ZNF423: variants seen among roughly 807,000 people sequenced by gnomAD.
ZNF423 encodes the protein zinc finger protein 423.
In ZNF423, 12 loss-of-function variants were observed where a neutral mutation model predicts 95.8. The ratio of observed to expected loss-of-function variants is 0.13; its 90% CI spans 0.08 to 0.20. The LOEUF is 0.20. ZNF423 is among the 10% of genes least tolerant of loss of function. The probability of loss-of-function intolerance (pLI) is 1.00; values close to 1 mark genes in which losing one functional copy is unlikely to be tolerated. For synonymous variants in ZNF423, 749 were observed against 711.9 expected (o/e 1.05, Z -0.83); for missense variants, 1,316 against 1,737.1 (o/e 0.76, Z 4.31).
chr16:49,740,237 G>A (rs919393872), intron 2 of ZNF423, among the ~76,000 whole-genome samples: 61 of 152,038 alleles, frequency 4.0e-4, no homozygotes, highest in Non-Finnish European at 7.9e-4. Flanking sequence ...ACATGTTCCC[G>A]AGGGCAAGAT....
chr16:49,779,540 G>C (rs2034174591), intron 2 of ZNF423, among the ~76,000 whole-genome samples: 1 of 152,048 alleles, frequency 6.6e-6, no homozygotes, highest in African/African-American at 2.4e-5. Context: ...AGGAGCACTG[G>C]TGCAAACCAC....
At chr16:49,749,470 G>A (rs1179438858) in intron 2 of ZNF423, among the ~76,000 whole-genome samples, 1 of 152,224 alleles carries the variant, frequency 6.6e-6, no homozygotes, top group Non-Finnish European at 1.5e-5. Context: ...AAAGATACAA[G>A]CCATACAGAA....
At chr16:49,852,264 T>G (rs1367011001) in intron 1 of ZNF423, among the ~76,000 whole-genome samples, 1 of 152,154 alleles carries the variant, frequency 6.6e-6, no homozygotes, top group Non-Finnish European at 1.5e-5. Context: ...TGTATGGACA[T>G]AGCCTGAGCG....
At chr16:49,681,588 C>A (rs372282030) in intron 3 of ZNF423, among the ~76,000 whole-genome samples, 2 of 152,178 alleles carry the variant, frequency 1.3e-5, no homozygotes, top group African/African-American at 4.8e-5. Flanking sequence ...CAGGCCGGAT[C>A]GTTTCACCAC....
chr16:49,611,679 T>C (rs2151844824), intron 5 of ZNF423, among the ~76,000 whole-genome samples: 1 of 151,820 alleles, frequency 6.6e-6, no homozygotes, highest in South Asian at 2.1e-4. Flanking sequence ...TAAAACAAAA[T>C]TGAAAATCAA....
At chr16:49,564,492 G>A (rs1970123822) in intron 5 of ZNF423, among the ~76,000 whole-genome samples, 1 of 152,170 alleles carries the variant, frequency 6.6e-6, no homozygotes, top group Admixed American at 6.5e-5. Context: ...CTCAACACAA[G>A]AGAAGACATC....
intron 3 of ZNF423, among the ~76,000 whole-genome samples, chr16:49,692,640 G>C (rs1313479611): frequency 6.6e-6 from 1 of 152,232 alleles, no homozygotes; most frequent in Admixed American, 6.5e-5. Flanking sequence ...GGAAAGCTTG[G>C]AGAAAGGATG....
At chr16:49,628,242 C>T (rs928031288) in intron 4 of ZNF423, among the ~76,000 whole-genome samples, 2 of 151,416 alleles carry the variant, frequency 1.3e-5, no homozygotes, top group African/African-American at 4.9e-5. Context: ...CACACCCATC[C>T]ACCCATACTC....
chr16:49,604,644 C>T (rs145241300), intron 5 of ZNF423, among the ~76,000 whole-genome samples: 6 of 152,304 alleles, frequency 3.9e-5, no homozygotes, highest in East Asian at 1.9e-4. Flanking sequence ...TGCACAATCA[C>T]GGTCAGTGCA....
In ZNF423 at chr16:49,725,593, C is replaced by T. The variant is rs1282376562; in HGVS notation, c.301+5178G>A. Reference sequence around the variant, plus strand: ...TAGGGAGAGAGATGGGTGAGAAACACGTGAAAGACAATTACAGAAAGGGAT... The same window carrying T: ...TAGGGAGAGAGATGGGTGAGAAACATGTGAAAGACAATTACAGAAAGGGAT... On this transcript the variant is annotated intron_variant, in intron 3 of 7. Transcript: ENST00000563137. Among the ~76,000 whole-genome samples, 8 of 152,210 alleles carry T rather than the reference C, an allele frequency of 5.3e-5. No homozygotes were observed. In the East Asian group the frequency reaches 7.7e-4, roughly 15 times the overall value.
intron 5 of ZNF423, among the ~76,000 whole-genome samples, chr16:49,616,365 G>A (rs1402485005): frequency 6.6e-6 from 1 of 151,848 alleles, no homozygotes; most frequent in Non-Finnish European, 1.5e-5. Context: ...ATGGTTAGTG[G>A]GTACAAAAAT....
chr16:49,523,611 T>A lies in ZNF423; in HGVS notation c.3849+13A>T, dbSNP rs1270888606. The A allele has an allele frequency of 2.4e-5, 39 of 1,608,850 alleles. No individual in the cohort carries two copies. The highest frequency in any genetic ancestry group is 3.2e-5 in the Non-Finnish European group (38 of 1,175,280). ...CCATCAGGCGGCGTGGTGCAGCGGA[T>A]GTGGGCACCCACCTGCAGCTCGGTC... is the stretch of plus-strand genomic sequence containing the variant. On this transcript the variant is annotated intron_variant, in intron 7 of 7. Transcript: ENST00000563137.
At chr16:49,513,369 G>A (rs185810658) in intron 7 of ZNF423, among the ~76,000 whole-genome samples, 1 of 152,356 alleles carries the variant, frequency 6.6e-6, no homozygotes, top group East Asian at 1.9e-4. Flanking sequence ...CACAGAAAGC[G>A]CAGCCAGAGT....
intron 1 of ZNF423, among the ~76,000 whole-genome samples, chr16:49,826,566 A>G (rs1408765327): frequency 6.6e-6 from 1 of 152,216 alleles, no homozygotes; most frequent in African/African-American, 2.4e-5. Flanking sequence ...GCCTGTGATA[A>G]TAAGAATAAC....
At chr16:49,787,604 T>C (rs2034336686) in intron 2 of ZNF423, among the ~76,000 whole-genome samples, 1 of 152,108 alleles carries the variant, frequency 6.6e-6, no homozygotes, top group South Asian at 2.1e-4. Context: ...ATTACAGAAC[T>C]ACAGAACCCA....
intron 5 of ZNF423, among the ~76,000 whole-genome samples, chr16:49,543,906 CAG>C (rs1158498279): frequency 6.6e-6 from 1 of 150,494 alleles, no homozygotes; most frequent in Non-Finnish European, 1.5e-5. Flanking sequence ...TCTGTAAAAA[CAG>C]AGGGAGATCT....
At chr16:49,807,112 A>G (rs893365142) in intron 1 of ZNF423, among the ~76,000 whole-genome samples, 1 of 151,596 alleles carries the variant, frequency 6.6e-6, no homozygotes, top group African/African-American at 2.4e-5. Context: ...CTCCACACAC[A>G]TTATCTTCCT....
intron 7 of ZNF423, among the ~76,000 whole-genome samples, chr16:49,511,629 G>T (rs1349117078): frequency 6.6e-6 from 1 of 152,198 alleles, no homozygotes; most frequent in African/African-American, 2.4e-5. Flanking sequence ...CCTGTGCCTT[G>T]GGCCTTCTAA....
At chr16:49,779,854 C>A (rs77582093) in intron 2 of ZNF423, among the ~76,000 whole-genome samples, 4,862 of 152,274 alleles carry the variant, frequency 0.032, 265 homozygotes, top group African/African-American at 0.11. Flanking sequence ...TTACAATCCT[C>A]ATTACTGAAG....
Sources: allele counts gnomAD v4.1 joint callset (sites outside exome capture counted in the v4.1 genomes callset), GRCh38; gene constraint gnomAD v4.1.1; transcripts MANE v1.5; gene names NCBI Gene and HGNC (gene_info 2026-07-23, HGNC 2026-07-21).